Variants in DOCK3 observed in about 807,000 individuals in gnomAD.
DOCK3 encodes the protein dedicator of cytokinesis 3, also known as dedicator of cytokinesis protein 3.
Under a neutral mutation model 265.6 loss-of-function variants are expected in DOCK3, and 60 were observed. The observed-to-expected ratio is 0.23, with a 90% CI of 0.18 to 0.28. The LOEUF is 0.28. DOCK3 is among the 10% of genes least tolerant of loss of function. DOCK3 has a pLI of 1.00. For missense variants in DOCK3, 1,981 were observed against 2,594.3 expected, an observed-to-expected ratio of 0.76 and a Z score of 5.14; for synonymous variants, 881 against 938.0, an observed-to-expected ratio of 0.94 and a Z score of 1.11.
At chr3:51,123,576 G>A (rs1560093529) in intron 9 of DOCK3, among the ~76,000 whole-genome samples, 2 of 152,170 alleles carry the variant, frequency 1.3e-5, no homozygotes, top group African/African-American at 4.8e-5. Flanking sequence ...CTACACACAA[G>A]CTTCTTTGTG....
chr3:50,961,286 G>T (rs2076879020), intron 5 of DOCK3, among the ~76,000 whole-genome samples: 1 of 152,114 alleles, frequency 6.6e-6, no homozygotes, highest in African/African-American at 2.4e-5. Flanking sequence ...GATTTTTTCT[G>T]TCAGAGTGAT....
chr3:51,146,502 G>T, intron 9 of DOCK3, 47 bp from the exon 10 acceptor site: 3 of 1,537,728 alleles, frequency 2.0e-6, no homozygotes, highest in South Asian at 2.4e-5. Flanking sequence ...CTTTGTTCTG[G>T]AGTGTGTTAC....
chr3:51,080,963 A>T (rs1001448778), intron 7 of DOCK3, among the ~76,000 whole-genome samples: 1 of 151,084 alleles, frequency 6.6e-6, no homozygotes, highest in Non-Finnish European at 1.5e-5. Flanking sequence ...TTTTGTGCAT[A>T]TACATTCTAT....
chr3:50,950,677 A>G (rs1210563272), intron 5 of DOCK3, among the ~76,000 whole-genome samples: 2 of 152,038 alleles, frequency 1.3e-5, no homozygotes, highest in South Asian at 2.1e-4. Flanking sequence ...CCAGCCTTCC[A>G]GGGTTTGATA....
At chr3:51,272,443 A>T (rs1156503548) in intron 24 of DOCK3, among the ~76,000 whole-genome samples, 4 of 132,690 alleles carry the variant, frequency 3.0e-5, no homozygotes, top group Non-Finnish European at 4.8e-5. Flanking sequence ...TGCCTGGCTA[A>T]TTTTTTTTTT....
At chr3:50,995,767 G>A (rs990117566) in intron 5 of DOCK3, among the ~76,000 whole-genome samples, 1 of 152,328 alleles carries the variant, frequency 6.6e-6, no homozygotes, top group Non-Finnish European at 1.5e-5. Context: ...ATAATGGGAA[G>A]AAGGGTGTTC....
intron 27 of DOCK3, among the ~76,000 whole-genome samples, chr3:51,304,756 C>T (rs1244900685): frequency 6.6e-6 from 1 of 152,216 alleles, no homozygotes; most frequent in African/African-American, 2.4e-5. Context: ...CATCGCACCA[C>T]CCTGCTTTTC....
intron 9 of DOCK3, among the ~76,000 whole-genome samples, chr3:51,101,065 A>G (rs573756529): frequency 1.3e-5 from 2 of 151,420 alleles, no homozygotes; most frequent in Non-Finnish European, 2.9e-5. Context: ...TCTGCCTCCC[A>G]AAATGCTGGG....
At chr3:50,869,961 T>A (rs1480305525) in intron 3 of DOCK3, among the ~76,000 whole-genome samples, 1 of 152,242 alleles carries the variant, frequency 6.6e-6, no homozygotes, top group Non-Finnish European at 1.5e-5. Flanking sequence ...TTTCTAGTTT[T>A]ATTCCATTGT....
rs1553763621 is a variant in DOCK3, at chr3:51,116,472, A to AG, written c.746+26091dup. 6.4e-3 allele frequency among the ~76,000 whole-genome samples: 919 copies of AG among 144,690 alleles called. 41 individuals carry two copies. Among genetic ancestry groups the AG allele is most frequent in the African/African-American group, 0.023 (819 of 35,900 alleles). 94.9% of individuals were successfully genotyped at this position (144,690 alleles called of 152,430 possible). ...TCTCAAAAAAAAAAAAAAAAAAAAA[A>AG]GGGTAGTTTTTTTCTAATTCTGTGA... On this transcript the variant is annotated intron_variant, in intron 9 of 52. Coordinates refer to ENST00000266037, the MANE Select transcript of DOCK3 (RefSeq NM_004947.5).
chr3:50,955,098 C>T (rs1441412303), intron 5 of DOCK3, among the ~76,000 whole-genome samples: 2 of 152,018 alleles, frequency 1.3e-5, no homozygotes, highest in Admixed American at 6.6e-5. Flanking sequence ...TGTCACTGAT[C>T]ATTAGATAAA....
chr3:50,695,016 A>G (rs1232916072), intron 1 of DOCK3, among the ~76,000 whole-genome samples: 4 of 152,184 alleles, frequency 2.6e-5, no homozygotes, highest in African/African-American at 7.2e-5. Flanking sequence ...TTTTAAATCA[A>G]TTAGTCACTT....
intron 22 of DOCK3, among the ~76,000 whole-genome samples, chr3:51,250,361 A>G (rs2079147700): frequency 6.6e-6 from 1 of 152,154 alleles, no homozygotes; most frequent in Non-Finnish European, 1.5e-5. Flanking sequence ...GCTCACGCCT[A>G]TAATCCTAGC....
chr3:50,920,768 A>G (rs558177331), intron 4 of DOCK3, among the ~76,000 whole-genome samples: 18 of 152,020 alleles, frequency 1.2e-4, no homozygotes, highest in Admixed American at 3.3e-4. Context: ...CTCTGATCTT[A>G]GTTATTTCTT....
chr3:50,861,194 CTTT>C (rs2046894027), intron 3 of DOCK3, among the ~76,000 whole-genome samples: 1 of 152,016 alleles, frequency 6.6e-6, no homozygotes, highest in South Asian at 2.1e-4. Context: ...TCCTGTCTTG[CTTT>C]TCTTTGTTCT....
intron 12 of DOCK3, among the ~76,000 whole-genome samples, chr3:51,163,453 T>G (rs892919962): frequency 1.3e-5 from 2 of 151,662 alleles, no homozygotes; most frequent in African/African-American, 2.4e-5. Flanking sequence ...ACTAAGTCAC[T>G]TCCTAATGAG....
chr3:51,219,745 T>C (rs72953168), intron 14 of DOCK3, among the ~76,000 whole-genome samples: 2 of 152,326 alleles, frequency 1.3e-5, no homozygotes, highest in East Asian at 1.9e-4. Flanking sequence ...AAGAAAGCTT[T>C]CCTCAAGGGG....
At position 50,866,091 on chromosome 3, in the gene DOCK3, C is replaced by T. The variant is rs552860744; in HGVS notation, c.163-23935C>T. On this transcript the variant is annotated intron_variant, in intron 3 of 52. Coordinates refer to ENST00000266037, the MANE Select transcript of DOCK3 (RefSeq NM_004947.5). Reference sequence around the variant, plus strand: ...TATTCTGTGGGTTGTTTGTTCATTTCGTTGATTGTTTCCTTTGCTGTGAAG... The same window carrying T: ...TATTCTGTGGGTTGTTTGTTCATTTTGTTGATTGTTTCCTTTGCTGTGAAG... 1.5e-4 allele frequency among the ~76,000 whole-genome samples: 23 copies of T among 151,946 alleles called. 1 individual carries two copies. Among genetic ancestry groups the T allele is most frequent in the South Asian group, 6.3e-4 (3 of 4,772 alleles).
intron 44 of DOCK3, 109 bp downstream of exon 44, chr3:51,357,250 C>A: frequency 8.0e-7 from 1 of 1,254,734 alleles, no homozygotes; most frequent in South Asian, 1.5e-5. Flanking sequence ...TCCCTACATG[C>A]CCTCTCTTGA....
Sources: gnomAD v4.1 joint callset for allele counts (sites outside exome capture counted in the v4.1 genomes callset) on GRCh38, gnomAD v4.1.1 for gene constraint, MANE v1.5 for transcripts, NCBI Gene and HGNC (gene_info 2026-07-23, HGNC 2026-07-21) for gene names.